The following BICD1 variants were observed in gnomAD, a reference collection of about 807,000 sequenced individuals.
BICD1 encodes the protein BICD cargo adaptor 1.
Under a neutral mutation model 92.5 loss-of-function variants are expected in BICD1, and 35 were observed. That is an observed-to-expected ratio of 0.38 (90% confidence interval 0.29 to 0.50). The LOEUF (loss-of-function observed/expected upper bound fraction) is 0.50, where lower values mean the gene tolerates loss of function less well. Among genes scored for constraint, BICD1 ranks in the 20% least tolerant of loss-of-function variants. The pLI is 0.93. For synonymous variants in BICD1, 429 were observed against 465.1 expected, an observed-to-expected ratio of 0.92 and a Z score of 1.00; for missense variants, 950 against 1,189.8, an observed-to-expected ratio of 0.80 and a Z score of 2.97.
chr12:32,251,217 T>A (rs1275433022), intron 2 of BICD1, among the ~76,000 whole-genome samples: 1 of 152,224 alleles, frequency 6.6e-6, no homozygotes, highest in East Asian at 1.9e-4. Flanking sequence ...TTATATATAT[T>A]TTTAAGTTAT....
At chr12:32,361,540 G>A in intron 8 of BICD1, among the ~76,000 whole-genome samples, 1 of 141,254 alleles carries the variant, frequency 7.1e-6, no homozygotes. Flanking sequence ...GCAACAGAGC[G>A]AGACTCCATC....
chr12:32,332,059 A>C (rs967993825), intron 5 of BICD1, among the ~76,000 whole-genome samples: 1 of 152,226 alleles, frequency 6.6e-6, no homozygotes, highest in South Asian at 2.1e-4. Context: ...GAATGAGATC[A>C]TGTCATTTAC....
chr12:32,238,469 A>G (rs904326716), intron 2 of BICD1, among the ~76,000 whole-genome samples: 1 of 152,228 alleles, frequency 6.6e-6, no homozygotes, highest in African/African-American at 2.4e-5. Flanking sequence ...AAATGACACC[A>G]TAGGATTTAG....
intron 1 of BICD1, among the ~76,000 whole-genome samples, chr12:32,175,862 G>T (rs1207559482): frequency 6.6e-6 from 1 of 152,110 alleles, no homozygotes; most frequent in Non-Finnish European, 1.5e-5. Context: ...GATCTCTCAT[G>T]TCCATTTATA....
chr12:32,187,564 C>T (rs900824604), intron 1 of BICD1, among the ~76,000 whole-genome samples: 2 of 152,060 alleles, frequency 1.3e-5, no homozygotes, highest in African/African-American at 4.8e-5. Context: ...CCCAGCTACT[C>T]AGGAGGCTGA....
At chr12:32,271,134 C>T (rs1017122302) in intron 2 of BICD1, among the ~76,000 whole-genome samples, 1 of 152,150 alleles carries the variant, frequency 6.6e-6, no homozygotes, top group African/African-American at 2.4e-5. Context: ...ACTTAGTCTC[C>T]AAGGAAAGAA....
chr12:32,123,552 C>G (rs1188228051), intron 1 of BICD1, among the ~76,000 whole-genome samples: 3 of 152,092 alleles, frequency 2.0e-5, no homozygotes, highest in Non-Finnish European at 4.4e-5. Context: ...CTGATTTAGG[C>G]TGGGAAAAAA....
chr12:32,245,252 T>G (rs932464185), intron 2 of BICD1, among the ~76,000 whole-genome samples: 1 of 124,926 alleles, frequency 8.0e-6, no homozygotes, highest in African/African-American at 2.6e-5. Context: ...TGTTTTTTGT[T>G]TTTTTTTTTT....
chr12:32,111,330 T>C (rs1279962301), intron 1 of BICD1, among the ~76,000 whole-genome samples: 1 of 152,250 alleles, frequency 6.6e-6, no homozygotes, highest in Non-Finnish European at 1.5e-5. Context: ...CACAAAAATA[T>C]GTACTTACAC....
At chr12:32,197,884 C>T (rs973034411) in intron 1 of BICD1, among the ~76,000 whole-genome samples, 2 of 147,898 alleles carry the variant, frequency 1.4e-5, no homozygotes, top group African/African-American at 2.5e-5. Flanking sequence ...CAGCACAAAG[C>T]TTTGAGTATC....
At chr12:32,212,787 T>G (rs1945256043) in intron 1 of BICD1, among the ~76,000 whole-genome samples, 1 of 152,214 alleles carries the variant, frequency 6.6e-6, no homozygotes, top group Non-Finnish European at 1.5e-5. Flanking sequence ...GCCACCGTAC[T>G]TCTCATTGAA....
intron 1 of BICD1, among the ~76,000 whole-genome samples, chr12:32,195,039 A>G (rs1944688161): frequency 6.7e-6 from 1 of 148,644 alleles, no homozygotes; most frequent in African/African-American, 2.5e-5. Flanking sequence ...TTGAGGCTGC[A>G]GTAAGTCATG....
At chr12:32,151,538 A>G (rs1815715047) in intron 1 of BICD1, among the ~76,000 whole-genome samples, 1 of 152,234 alleles carries the variant, frequency 6.6e-6, no homozygotes, top group African/African-American at 2.4e-5. Flanking sequence ...CACTAAATAG[A>G]TACATCGAAG....
chr12:32,270,119 TAAA>T (rs34843444), intron 2 of BICD1, among the ~76,000 whole-genome samples: 4 of 129,070 alleles, frequency 3.1e-5, no homozygotes, highest in Non-Finnish European at 3.2e-5. Context: ...AGACTCCCTC[TAAA>T]AAAAAAAAAA....
Position 32,380,659 on chromosome 12 carries a change from C to T in BICD1, c.*3032C>T, listed in dbSNP as rs1165529904. ...AATAAAGGAGCTTGGCTTAATCTTT[C>T]TGGTCCACACATAATCCATTAGATC... is the stretch of plus-strand genomic sequence containing the variant. On this transcript the variant is annotated 3_prime_UTR_variant, in exon 10 of 10. Coordinates refer to ENST00000652176, the MANE Select transcript of BICD1 (RefSeq NM_001714.4). 3.9e-5 allele frequency: 6 copies of T among 152,106 alleles called. No individual in the cohort carries two copies. The highest frequency in any genetic ancestry group is 8.8e-5 in the Non-Finnish European group (6 of 67,976). The allele number at this position is 152,106 out of a possible 1,614,324, so 9.4% of individuals were successfully genotyped here. A position where few individuals can be genotyped will look rare whatever the true frequency, so the allele number is the denominator to read the frequency against.
Position 32,313,926 on chromosome 12 carries a change from G to A in BICD1, c.1005+7804G>A, listed in dbSNP as rs1948438435. Among the ~76,000 whole-genome samples, 1 of 152,072 alleles carries A rather than the reference G, an allele frequency of 6.6e-6. No individual in the cohort carries two copies. The highest frequency in any genetic ancestry group is 1.5e-5 in the Non-Finnish European group (1 of 68,040). ...AGTCTGGGAGGAGGTCAAGGCTGCA[G>A]TGAGCCATGACCATGCCACTGCACT... On this transcript the variant is annotated intron_variant, in intron 4 of 9. Coordinates refer to ENST00000652176, the MANE Select transcript of BICD1 (RefSeq NM_001714.4). This position sits in a 1 kb window ranked among gnomAD's most constrained non-coding sequence, Gnocchi z 4.2.
At chr12:32,185,770 G>T (rs1266271766) in intron 1 of BICD1, among the ~76,000 whole-genome samples, 1 of 152,166 alleles carries the variant, frequency 6.6e-6, no homozygotes, top group African/African-American at 2.4e-5. Context: ...AAAATCTTGA[G>T]ACTTGCCATA....
chr12:32,279,264 T>G (rs1947356158), intron 2 of BICD1, among the ~76,000 whole-genome samples: 1 of 152,212 alleles, frequency 6.6e-6, no homozygotes, highest in South Asian at 2.1e-4. Context: ...AGATACAGAA[T>G]TTATTTTCTA....
rs1376098170 is a variant in BICD1 at position 32,135,505 on chromosome 12, AT to A, written c.213+27962del. On this transcript the variant is annotated intron_variant, in intron 1 of 9. Transcript: ENST00000652176. Reference sequence around the variant, plus strand: ...AGCCTAGACCTGCTGGGTTTAAGTGATCCTTACATCTCAGCCTCCTGAGTAC... The same window carrying A: ...AGCCTAGACCTGCTGGGTTTAAGTGACCTTACATCTCAGCCTCCTGAGTAC... 2.2e-4 allele frequency among the ~76,000 whole-genome samples: 10 copies of A among 46,050 alleles called. No homozygotes were observed. The Admixed American group carries it at 3.4e-3, about 16-fold the overall frequency. 30.2% of individuals were successfully genotyped at this position (46,050 alleles called of 152,430 possible). A position where few individuals can be genotyped will look rare whatever the true frequency, so the allele number is the denominator to read the frequency against.
Sources: allele counts gnomAD v4.1 joint callset (sites outside exome capture counted in the v4.1 genomes callset), GRCh38; gene constraint gnomAD v4.1.1; non-coding constraint Gnocchi (gnomAD v3.1); transcripts MANE v1.5; gene names NCBI Gene and HGNC (gene_info 2026-07-23, HGNC 2026-07-21).